The following SHC4 variants were observed in gnomAD, a reference collection of about 807,000 sequenced individuals.
SHC4 encodes SHC adaptor protein 4.
In SHC4, 41 loss-of-function variants were observed where a neutral mutation model predicts 69.4. The ratio of observed to expected loss-of-function variants is 0.59; its 90% confidence interval spans 0.46 to 0.77. The LOEUF (loss-of-function observed/expected upper bound fraction) is 0.77, where lower values mean the gene tolerates loss of function less well. Among genes scored for constraint, SHC4 ranks in the 30% least tolerant of loss-of-function variants. SHC4 has a pLI of 0.00. For missense variants in SHC4, 777 were observed against 783.8 expected, an observed-to-expected ratio of 0.99 and a Z score of 0.10; for synonymous variants, 318 against 299.3, an observed-to-expected ratio of 1.06 and a Z score of -0.64.
intron 11 of SHC4, among the ~76,000 whole-genome samples, chr15:48,834,565 G>A (rs1489849026): frequency 6.6e-6 from 1 of 152,054 alleles, no homozygotes; most frequent in South Asian, 2.1e-4. Flanking sequence ...GAAAGAGGCT[G>A]TCCTCTGCTT....
chr15:48,949,617 G>C (rs1288999538), intron 1 of SHC4, among the ~76,000 whole-genome samples: 1 of 151,918 alleles, frequency 6.6e-6, no homozygotes, highest in African/African-American at 2.4e-5. Flanking sequence ...TGATGCTTAA[G>C]ACTTGTTATA....
At chr15:48,875,799 G>A (rs73402209) in intron 4 of SHC4, among the ~76,000 whole-genome samples, 23,454 of 152,142 alleles carry the variant, frequency 0.15, 2,083 homozygotes, top group East Asian at 0.28. Flanking sequence ...CAAAGAGGTC[G>A]CTTCTGAATG....
chr15:48,855,200 A>G (rs1378386986), intron 8 of SHC4, among the ~76,000 whole-genome samples: 1 of 152,220 alleles, frequency 6.6e-6, no homozygotes, highest in Non-Finnish European at 1.5e-5. Context: ...GGTGGAAAGA[A>G]AAAAACTAAA....
chr15:48,860,670 C>CTAAA (rs556967996), intron 6 of SHC4, among the ~76,000 whole-genome samples: 2 of 152,094 alleles, frequency 1.3e-5, no homozygotes, highest in South Asian at 4.2e-4. Context: ...ATACTTAAGC[C>CTAAA]TAAATAAATA....
At chr15:48,880,981 TGA>T (rs146571045) in intron 4 of SHC4, among the ~76,000 whole-genome samples, 1 of 114,224 alleles carries the variant, frequency 8.8e-6, no homozygotes, top group Non-Finnish European at 1.7e-5. Flanking sequence ...ATGATGTGTG[TGA>T]GAGTGTGTGT....
intron 3 of SHC4, 120 bp downstream of exon 3, chr15:48,890,628 G>A (rs1900119797): frequency 9.1e-6 from 10 of 1,093,476 alleles, no homozygotes; most frequent in African/African-American, 7.8e-5. Context: ...CTGATATCAC[G>A]CCACCTAATA....
chr15:48,955,666 TC>T (rs1340217082), intron 1 of SHC4, among the ~76,000 whole-genome samples: 1 of 152,196 alleles, frequency 6.6e-6, no homozygotes, highest in African/African-American at 2.4e-5. Flanking sequence ...CCTTCTATGC[TC>T]CCTCTTTTCT....
At chr15:48,926,918 T>A (rs1341386774) in intron 1 of SHC4, among the ~76,000 whole-genome samples, 1 of 152,110 alleles carries the variant, frequency 6.6e-6, no homozygotes, top group Non-Finnish European at 1.5e-5. Flanking sequence ...ACACTCCTCT[T>A]GGGATCTCTA....
intron 6 of SHC4, among the ~76,000 whole-genome samples, chr15:48,859,306 GGTGT>G (rs58641880): frequency 0.14 from 20,121 of 145,666 alleles, 1,623 homozygotes; most frequent in East Asian, 0.3. Context: ...ATTTGAAAGG[GGTGT>G]GTGTGTGTGT....
At chr15:48,920,181 A>T (rs1339089179) in intron 2 of SHC4, among the ~76,000 whole-genome samples, 1 of 146,160 alleles carries the variant, frequency 6.8e-6, no homozygotes, top group Non-Finnish European at 1.5e-5. Context: ...CGCCTGGCTA[A>T]TTTTTTTTTT....
intron 2 of SHC4, among the ~76,000 whole-genome samples, chr15:48,899,273 C>A (rs753267989): frequency 7.2e-5 from 11 of 152,228 alleles, no homozygotes; most frequent in Non-Finnish European, 1.5e-4. Context: ...TTGAGACCAG[C>A]CTGGCCAACA....
At chr15:48,916,293 A>G (rs1392129190) in intron 2 of SHC4, among the ~76,000 whole-genome samples, 2 of 151,384 alleles carry the variant, frequency 1.3e-5, no homozygotes, top group Admixed American at 6.6e-5. Flanking sequence ...ACACACACAC[A>G]CACACACACA....
At chr15:48,845,308 C>A (rs1899066074) in intron 9 of SHC4, among the ~76,000 whole-genome samples, 1 of 152,194 alleles carries the variant, frequency 6.6e-6, no homozygotes, top group African/African-American at 2.4e-5. Flanking sequence ...AGTCTTACCA[C>A]CTGCTTCTCC....
At chr15:48,887,198 TCAAA>T (rs1252658763) in intron 3 of SHC4, among the ~76,000 whole-genome samples, 1 of 152,142 alleles carries the variant, frequency 6.6e-6, no homozygotes, top group African/African-American at 2.4e-5. Flanking sequence ...TCTAAAGAAA[TCAAA>T]CAAAGATCTG....
chr15:48,858,043 G>C (rs1899364935), intron 6 of SHC4, among the ~76,000 whole-genome samples: 1 of 152,114 alleles, frequency 6.6e-6, no homozygotes, highest in Non-Finnish European at 1.5e-5. Flanking sequence ...CTTACAAACT[G>C]GGTGCTCAAG....
chr15:48,854,179 A>G (rs1175864735), intron 8 of SHC4, among the ~76,000 whole-genome samples: 1 of 152,262 alleles, frequency 6.6e-6, no homozygotes, highest in Non-Finnish European at 1.5e-5. Flanking sequence ...ACATTTCTCA[A>G]AAGAACACAT....
At chr15:48,861,481 G>A (rs531079023) in intron 6 of SHC4, among the ~76,000 whole-genome samples, 2 of 152,314 alleles carry the variant, frequency 1.3e-5, no homozygotes, top group African/African-American at 4.8e-5. Flanking sequence ...CATGGGACAG[G>A]ATAGAGGTGG....
At position 48,823,770 on chromosome 15, in the gene SHC4, T is replaced by A. The variant is rs1898642428; in HGVS notation, c.*2201A>T. The A allele has an allele frequency of 6.6e-6, 1 of 152,272 alleles. No individual in the cohort carries two copies. Among genetic ancestry groups the A allele is most frequent in the South Asian group, 2.1e-4 (1 of 4,836 alleles). The allele number at this position is 152,272 out of a possible 1,614,324, so 9.4% of individuals were successfully genotyped here. A position where few individuals can be genotyped will look rare whatever the true frequency, so the allele number is the denominator to read the frequency against. ...CACAAAGCAATAATCATTTATTTTT[T>A]AAAGTCGTTTACAGGTATTTATAGG... On this transcript the variant is annotated 3_prime_UTR_variant, in exon 12 of 12. Coordinates refer to ENST00000332408, the MANE Select transcript of SHC4 (RefSeq NM_203349.4).
At chr15:48,842,941 A>AT (rs1373245099) in intron 10 of SHC4, among the ~76,000 whole-genome samples, 1 of 152,152 alleles carries the variant, frequency 6.6e-6, no homozygotes. Context: ...AGAAAAAAAA[A>AT]GAAAAGAAGA....
Sources: allele counts gnomAD v4.1 joint callset (sites outside exome capture counted in the v4.1 genomes callset), GRCh38; gene constraint gnomAD v4.1.1; transcripts MANE v1.5; gene names NCBI Gene and HGNC (gene_info 2026-07-23, HGNC 2026-07-21).